Variants in GALNT16 observed in about 807,000 individuals in gnomAD.
GALNT16 encodes the protein UDP-GalNAc:polypeptide N-acetylgalactosaminyltransferase-like protein 1.
A neutral mutation model predicts 76.1 loss-of-function variants in GALNT16; 40 were observed. That is an observed-to-expected ratio of 0.53 (90% CI 0.41 to 0.68). The LOEUF (loss-of-function observed/expected upper bound fraction) is 0.68, where lower values mean the gene tolerates loss of function less well. GALNT16 is among the 30% of genes least tolerant of loss of function. The pLI is 0.00. For synonymous variants in GALNT16, 276 were observed against 285.2 expected (o/e 0.97, Z 0.32); for missense variants, 621 against 731.9 (o/e 0.85, Z 1.75).
chr14:69,342,882 C>T (rs1171498882), intron 12 of GALNT16, among the ~76,000 whole-genome samples: 1 of 152,176 alleles, frequency 6.6e-6, no homozygotes, highest in East Asian at 1.9e-4. Flanking sequence ...TCTGAGTTTG[C>T]AGCTCCGCCT....
At chr14:69,379,923 G>C in the GALNT16 span, among the ~76,000 whole-genome samples, 1 of 152,114 alleles carries the variant, frequency 6.6e-6, no homozygotes, top group African/African-American at 2.4e-5. Context: ...AAACCTTGGA[G>C]CTATAATTAA....
chr14:69,316,774 T>TGGGGGGGGGG (rs765892301), intron 1 of GALNT16, among the ~76,000 whole-genome samples: 2 of 42,670 alleles, frequency 4.7e-5, no homozygotes, highest in Non-Finnish European at 9.5e-5. Context: ...TTGTAGTCTG[T>TGGGGGGGGGG]GAGGGGGGGG....
chr14:69,354,594 G>A (rs1455053), downstream of GALNT16: 39,185 of 152,396 alleles, frequency 0.26, 5,402 homozygotes, highest in Middle Eastern at 0.4. Context: ...GTCTAGCCCT[G>A]TCCTGCACCT....
At chr14:69,306,296 T>C (rs1019340232) in intron 1 of GALNT16, among the ~76,000 whole-genome samples, 1 of 152,250 alleles carries the variant, frequency 6.6e-6, no homozygotes, top group Non-Finnish European at 1.5e-5. Context: ...AGGGTTTTTT[T>C]CCCACAATCT....
At chr14:69,351,744 C>G (rs560875209) in intron 14 of GALNT16, 1 of 279,252 alleles carries the variant, frequency 3.6e-6, no homozygotes, top group South Asian at 5.2e-5. Context: ...AAGACCCAGT[C>G]TCTGCAAAAA....
At chr14:69,273,001 C>G (rs2044425391) in intron 1 of GALNT16, among the ~76,000 whole-genome samples, 1 of 152,176 alleles carries the variant, frequency 6.6e-6, no homozygotes, top group South Asian at 2.1e-4. Flanking sequence ...TGACTGTATA[C>G]AAAGTGAAGA....
At chr14:69,357,743 A>G (rs2045702631), downstream of GALNT16, 1 of 152,194 alleles carries the variant, frequency 6.6e-6, no homozygotes, top group Non-Finnish European at 1.5e-5. Context: ...GTCTCTTAAG[A>G]TGTGGTCCAG....
chr14:69,320,694 G>A lies in GALNT16; in HGVS notation c.178-17G>A. On this transcript the variant is annotated splice_polypyrimidine_tract_variant and intron_variant, in intron 1 of 14. Transcript: ENST00000448469. ...CCTCCTGCCTGTGGTCCTCTCTGAT[G>A]CTGACCTTCATCTCAGGTGACAGGA... The A allele has an allele frequency of 1.2e-6, 2 of 1,611,694 alleles. No individual in the cohort carries two copies. Among genetic ancestry groups the A allele is most frequent in the Non-Finnish European group, 1.7e-6 (2 of 1,178,580 alleles).
the GALNT16 span, among the ~76,000 whole-genome samples, chr14:69,386,188 T>C: frequency 1.3e-5 from 2 of 152,208 alleles, no homozygotes; most frequent in African/African-American, 4.8e-5. Flanking sequence ...TTTGGAACTT[T>C]TGGGGAGACA....
chr14:69,285,628 T>C (rs895564676), intron 1 of GALNT16, among the ~76,000 whole-genome samples: 1 of 152,122 alleles, frequency 6.6e-6, no homozygotes, highest in Non-Finnish European at 1.5e-5. Context: ...ACATTTCCAT[T>C]GTAGGCACCA....
intron 1 of GALNT16, among the ~76,000 whole-genome samples, chr14:69,314,858 A>G (rs2045078385): frequency 6.6e-6 from 1 of 152,220 alleles, no homozygotes; most frequent in Non-Finnish European, 1.5e-5. Context: ...TCCATAAAAT[A>G]GGGCCAGAGC....
the GALNT16 span, among the ~76,000 whole-genome samples, chr14:69,378,305 AG>A: frequency 6.6e-6 from 1 of 152,262 alleles, no homozygotes; most frequent in Non-Finnish European, 1.5e-5. Context: ...ATATAAATTT[AG>A]ATTATAAATC....
At chr14:69,303,796 C>T (rs1456359713) in intron 1 of GALNT16, among the ~76,000 whole-genome samples, 1 of 152,092 alleles carries the variant, frequency 6.6e-6, no homozygotes, top group African/African-American at 2.4e-5. Flanking sequence ...TTTTTCTGTA[C>T]TGCTACAGAG....
intron 1 of GALNT16, among the ~76,000 whole-genome samples, chr14:69,306,079 G>A (rs1208435421): frequency 1.3e-5 from 2 of 152,142 alleles, no homozygotes; most frequent in South Asian, 4.1e-4. Context: ...ACCATATATG[G>A]ATGGGTTTAT....
At chr14:69,324,964 T>G (rs2045259999) in intron 3 of GALNT16, among the ~76,000 whole-genome samples, 174 bp downstream of exon 3, 1 of 152,032 alleles carries the variant, frequency 6.6e-6, no homozygotes. Context: ...GTCAAACTGT[T>G]AGAGGAATGC....
In GALNT16 at chr14:69,261,224, CG is replaced by C. The variant is rs1270803686; in HGVS notation, c.177+761del. Among the ~76,000 whole-genome samples, 1 of 149,374 alleles carries C rather than the reference CG, an allele frequency of 6.7e-6. No homozygotes were observed. The highest frequency in any genetic ancestry group is 1.5e-5 in the Non-Finnish European group (1 of 67,412). Reference sequence around the variant, plus strand: ...CAGTGTGGCACAGCGGGGGCGGCGGCGGGGCTGCGGGGGCCCTTGGCGCTCT... The same window carrying C: ...CAGTGTGGCACAGCGGGGGCGGCGGCGGGCTGCGGGGGCCCTTGGCGCTCT... On this transcript the variant is annotated intron_variant, in intron 1 of 14. Coordinates refer to ENST00000448469, the MANE Select transcript of GALNT16 (RefSeq NM_001168368.2). The surrounding 1 kb of genome is among the most constrained non-coding windows in gnomAD (Gnocchi z 6.4).
At chr14:69,268,023 T>A (rs1030011716) in intron 1 of GALNT16, among the ~76,000 whole-genome samples, 1 of 152,186 alleles carries the variant, frequency 6.6e-6, no homozygotes, top group Non-Finnish European at 1.5e-5. Context: ...TCATAAGGAA[T>A]AAACTGGCCC....
chr14:69,303,172 C>G (rs1216669132), intron 1 of GALNT16, among the ~76,000 whole-genome samples: 1 of 152,160 alleles, frequency 6.6e-6, no homozygotes, highest in African/African-American at 2.4e-5. Flanking sequence ...AATGTACCTT[C>G]CACAGCTGTA....
chr14:69,364,782 AC>A, the GALNT16 span, among the ~76,000 whole-genome samples: 2 of 151,846 alleles, frequency 1.3e-5, no homozygotes, highest in African/African-American at 4.8e-5. This position sits in a 1 kb window ranked among gnomAD's most constrained non-coding sequence, Gnocchi z 4.2. Flanking sequence ...CAGATTTCCC[AC>A]CCCAGGAGTG....
Sources: allele counts gnomAD v4.1 joint callset (sites outside exome capture counted in the v4.1 genomes callset), GRCh38; gene constraint gnomAD v4.1.1; non-coding constraint Gnocchi (gnomAD v3.1); transcripts MANE v1.5; gene names NCBI Gene and HGNC (gene_info 2026-07-23, HGNC 2026-07-21).